The following PRDM11 variants were observed in gnomAD, a reference collection of about 807,000 sequenced individuals.
PRDM11 encodes the protein PR/SET domain 11, also known as PR domain-containing protein 11.
A neutral mutation model predicts 97.8 loss-of-function variants in PRDM11; 20 were observed. That is an observed-to-expected ratio of 0.20 (90% confidence interval 0.14 to 0.30). The LOEUF (loss-of-function observed/expected upper bound fraction) is 0.30. PRDM11 is among the 10% of genes least tolerant of loss of function. The pLI, the probability that PRDM11 is intolerant of heterozygous loss-of-function variation, is 1.00. For missense variants in PRDM11, 1,139 were observed against 1,555.2 expected (o/e 0.73, Z 4.50); for synonymous variants, 599 against 637.7 (o/e 0.94, Z 0.91).
chr11:45,169,271 C>T (rs1252447120), intron 1 of PRDM11, among the ~76,000 whole-genome samples: 1 of 152,206 alleles, frequency 6.6e-6, no homozygotes, highest in Non-Finnish European at 1.5e-5. Context: ...TTTTTAAAAT[C>T]AGAAATGCAT....
chr11:45,207,848 C>T (rs771329309), intron 5 of PRDM11, among the ~76,000 whole-genome samples: 10 of 152,198 alleles, frequency 6.6e-5, no homozygotes, highest in Non-Finnish European at 1.0e-4. Flanking sequence ...TGCCGCCGGC[C>T]TTCCCCTCTT....
At chr11:45,194,294 A>T (rs1291319518) in intron 4 of PRDM11, among the ~76,000 whole-genome samples, 2 of 152,182 alleles carry the variant, frequency 1.3e-5, no homozygotes, top group African/African-American at 4.8e-5. Flanking sequence ...AGATCCTGAG[A>T]ATATATCCAA....
intron 6 of PRDM11, among the ~76,000 whole-genome samples, chr11:45,220,923 T>G (rs750228547): frequency 7.9e-5 from 12 of 152,142 alleles, no homozygotes; most frequent in Admixed American, 1.3e-4. Flanking sequence ...TTGTTTGTTT[T>G]TTTCCCCACT....
Position 45,162,383 on chromosome 11 carries a change from A to T in PRDM11, c.-7+15506A>T, listed in dbSNP as rs144007558. Among the ~76,000 whole-genome samples, 496 of 152,156 alleles carry T rather than the reference A, an allele frequency of 3.3e-3. 3 individuals are homozygous for T. Among genetic ancestry groups the T allele is most frequent in the African/African-American group, 0.011 (463 of 41,532 alleles). Reference sequence around the variant, plus strand: ...GAAAGTAAGGCTCAGAGAGGCCCAAAGGGCCTCTCTGAGCTAGTGGATGCA... The same window carrying T: ...GAAAGTAAGGCTCAGAGAGGCCCAATGGGCCTCTCTGAGCTAGTGGATGCA... On this transcript the variant is annotated intron_variant, in intron 1 of 7. Coordinates refer to ENST00000683152, the MANE Select transcript of PRDM11 (RefSeq NM_001384648.1).
intron 1 of PRDM11, among the ~76,000 whole-genome samples, chr11:45,098,094 T>A (rs1038243609): frequency 6.6e-6 from 1 of 152,184 alleles, no homozygotes; most frequent in African/African-American, 2.4e-5. Flanking sequence ...CCATGGACAG[T>A]GCCCTAGCGG....
At chr11:45,161,510 G>A (rs780506381) in intron 1 of PRDM11, among the ~76,000 whole-genome samples, 10 of 152,204 alleles carry the variant, frequency 6.6e-5, no homozygotes, top group South Asian at 2.1e-4. Context: ...GCCTCATACC[G>A]TAACCCCATC....
chr11:45,127,938 G>T (rs940155468), intron 1 of PRDM11, among the ~76,000 whole-genome samples: 2 of 152,194 alleles, frequency 1.3e-5, no homozygotes, highest in Non-Finnish European at 2.9e-5. Flanking sequence ...TCTTTGCCCT[G>T]CCCCCAGAGG....
intron 4 of PRDM11, among the ~76,000 whole-genome samples, chr11:45,186,635 A>G (rs1852715476): frequency 6.6e-6 from 1 of 152,134 alleles, no homozygotes; most frequent in Admixed American, 6.5e-5. Flanking sequence ...CGGAAGCCAG[A>G]TTGCCATGGA....
chr11:45,139,568 C>CAA (rs10594529), intron 1 of PRDM11, among the ~76,000 whole-genome samples: 1,921 of 90,910 alleles, frequency 0.021, 72 homozygotes, highest in African/African-American at 0.064. Flanking sequence ...CTCCAACTCA[C>CAA]AAAAAAAAAA....
At chr11:45,204,801 C>T (rs1853449314) in intron 5 of PRDM11, 23 bp downstream of exon 5, 2 of 1,594,184 alleles carry the variant, frequency 1.3e-6, no homozygotes, top group African/African-American at 2.7e-5. Flanking sequence ...CTGCTGATGT[C>T]CCGGGGGTCT....
intron 4 of PRDM11, among the ~76,000 whole-genome samples, chr11:45,199,508 T>C (rs188316563): frequency 6.6e-6 from 1 of 152,190 alleles, no homozygotes; most frequent in African/African-American, 2.4e-5. Flanking sequence ...TAAGGGAGCC[T>C]CTCACCATGC....
intron 5 of PRDM11, among the ~76,000 whole-genome samples, chr11:45,208,470 G>A (rs1223504522): frequency 2.0e-5 from 3 of 152,176 alleles, no homozygotes; most frequent in Non-Finnish European, 4.4e-5. Context: ...ATCCTTTACT[G>A]CTATCTTTAA....
At chr11:45,206,329 A>G (rs1853508574) in intron 5 of PRDM11, among the ~76,000 whole-genome samples, 1 of 152,208 alleles carries the variant, frequency 6.6e-6, no homozygotes, top group Non-Finnish European at 1.5e-5. Flanking sequence ...GGGTTCGTTG[A>G]CATGGGCCTT....
At chr11:45,205,136 G>C (rs1853463354) in intron 5 of PRDM11, among the ~76,000 whole-genome samples, 1 of 152,196 alleles carries the variant, frequency 6.6e-6, no homozygotes, top group South Asian at 2.1e-4. Flanking sequence ...CAGGGGTGGT[G>C]TGAGAATCGT....
At chr11:45,201,678 T>A (rs1298404018) in intron 4 of PRDM11, among the ~76,000 whole-genome samples, 1 of 152,032 alleles carries the variant, frequency 6.6e-6, no homozygotes, top group East Asian at 1.9e-4. Context: ...AAAAATTCTT[T>A]GTAGAGAGGC....
chr11:45,224,514 C>A lies in PRDM11; in HGVS notation c.1040C>A (p.Thr347Lys). The change falls in exon 7 of 8, where the codon ACA (threonine) becomes AAA (lysine). Residue 347 changes from threonine to lysine, a missense_variant. Thr to Lys is a moderately conservative substitution (Grantham distance 78). Around this residue, in one of 2 missense-constraint regions of PRDM11, gnomAD observed 429 missense variants for 510.3 expected, o/e 0.84. Coordinates refer to ENST00000683152, the MANE Select transcript of PRDM11 (RefSeq NM_001384648.1). ...YQDDAYSQCATTMTHGVQNIG... is the reference protein window; with the variant it reads ...YQDDAYSQCAKTMTHGVQNIG... ...GATGACGCCTACAGTCAGTGTGCAA[C>A]AACAATGACCCATGGTGTGCAGAAT... 1 of 1,614,104 alleles carries A rather than the reference C, an allele frequency of 6.2e-7. No individual in the cohort carries two copies. The highest frequency in any genetic ancestry group is 1.1e-5 in the South Asian group (1 of 91,072).
At chr11:45,182,667 C>T (rs569754345) in intron 3 of PRDM11, among the ~76,000 whole-genome samples, 194 bp from the exon 4 acceptor site, 1 of 152,294 alleles carries the variant, frequency 6.6e-6, no homozygotes, top group East Asian at 1.9e-4. Context: ...ACAAAGGTAG[C>T]TGCTGGCCTC....
chr11:45,178,502 T>G (rs937151761), intron 1 of PRDM11, among the ~76,000 whole-genome samples: 3 of 152,224 alleles, frequency 2.0e-5, no homozygotes, highest in Non-Finnish European at 2.9e-5. Context: ...CTACCTGCTC[T>G]GCCTGGCGGA....
chr11:45,153,867 G>A (rs1435675201), intron 1 of PRDM11, among the ~76,000 whole-genome samples: 16 of 152,190 alleles, frequency 1.1e-4, no homozygotes, highest in African/African-American at 2.4e-4. Flanking sequence ...CAACAGCCCC[G>A]TGAGGTTACT....
Sources: allele counts gnomAD v4.1 joint callset (sites outside exome capture counted in the v4.1 genomes callset), GRCh38; gene constraint gnomAD v4.1.1; regional missense constraint gnomAD v4.1.1; transcripts MANE v1.5; gene names NCBI Gene and HGNC (gene_info 2026-07-23, HGNC 2026-07-21).